Variants in PDGFRA observed in about 807,000 individuals in gnomAD.
The protein encoded by PDGFRA is platelet derived growth factor receptor alpha.
A neutral mutation model predicts 121.5 loss-of-function variants in PDGFRA; 25 were observed. That is an observed-to-expected ratio of 0.21 (90% CI 0.15 to 0.29). The LOEUF is 0.29. PDGFRA is among the 10% of genes least tolerant of loss of function. PDGFRA has a pLI of 1.00. For synonymous variants in PDGFRA, 463 were observed against 494.8 expected, an observed-to-expected ratio of 0.94 and a Z score of 0.85; for missense variants, 1,008 against 1,345.1, an observed-to-expected ratio of 0.75 and a Z score of 3.92.
At chr4:54,253,723 T>C (rs111294272) in intron 1 of PDGFRA, among the ~76,000 whole-genome samples, 7,682 of 152,218 alleles carry the variant, frequency 0.05, 641 homozygotes, top group African/African-American at 0.17. Flanking sequence ...CTTGCTCTGT[T>C]GCCCAGGCTG....
intron 4 of PDGFRA, 28 bp downstream of exon 4, chr4:54,263,955 AAAT>A (rs768898646): frequency 1.9e-6 from 3 of 1,606,808 alleles, no homozygotes; most frequent in Admixed American, 3.3e-5. Flanking sequence ...TTCCTTCTTT[AAAT>A]AAGAGTAACA....
At chr4:54,289,605 GA>G (rs1456031403) in intron 21 of PDGFRA, among the ~76,000 whole-genome samples, 1 of 152,220 alleles carries the variant, frequency 6.6e-6, no homozygotes, top group African/African-American at 2.4e-5. Context: ...ACTTTCTGCT[GA>G]GGTGTTGAGA....
At chr4:54,274,817 G>T (rs771130998) in intron 11 of PDGFRA, 24 bp from the exon 12 acceptor site, 2 of 1,613,810 alleles carry the variant, frequency 1.2e-6, no homozygotes, top group Non-Finnish European at 1.7e-6. Flanking sequence ...TAATTCACCA[G>T]TTACCTGTCC....
chr4:54,253,688 T>C (rs564715076), intron 1 of PDGFRA, among the ~76,000 whole-genome samples: 1 of 152,294 alleles, frequency 6.6e-6, no homozygotes, highest in East Asian at 1.9e-4. Flanking sequence ...GATTCTTTTT[T>C]TCTTTTTTCT....
At chr4:54,248,554 C>T (rs1721836010) in intron 1 of PDGFRA, among the ~76,000 whole-genome samples, 1 of 152,108 alleles carries the variant, frequency 6.6e-6, no homozygotes, top group South Asian at 2.1e-4. Flanking sequence ...ACACCTTATA[C>T]AAAAATTAAT....
intron 1 of PDGFRA, among the ~76,000 whole-genome samples, chr4:54,242,552 T>TAC (rs1253088753): frequency 2.0e-5 from 3 of 152,112 alleles, no homozygotes; most frequent in Non-Finnish European, 2.9e-5. Context: ...TATATATATA[T>TAC]ACACACACAT....
rs1447744025 is a variant in PDGFRA at position 54,295,845 on chromosome 4, G to GAATA, written c.*575_*578dup. The GAATA allele has an allele frequency of 9.8e-5, 23 of 235,034 alleles. No homozygotes were observed. The highest frequency in any genetic ancestry group is 1.8e-4 in the South Asian group (1 of 5,634). 14.6% of individuals were successfully genotyped at this position (235,034 alleles called of 1,614,324 possible). On this transcript the variant is annotated 3_prime_UTR_variant, in exon 23 of 23. Transcript: ENST00000257290. ...TCTTTTTTAGTGTTAAAGAGATAAA[G>GAATA]AATAATAATTAACCAACCTTGTTTA...
intron 5 of PDGFRA, among the ~76,000 whole-genome samples, chr4:54,265,816 C>T (rs1401054628): frequency 6.6e-6 from 1 of 152,160 alleles, no homozygotes; most frequent in African/African-American, 2.4e-5. Flanking sequence ...GACTAATATT[C>T]TTATGGAGAA....
chr4:54,281,868 G>A, intron 16 of PDGFRA: 1 of 1,214,272 alleles, frequency 8.2e-7, no homozygotes, highest in Non-Finnish European at 1.0e-6. Context: ...CATTGGCACT[G>A]ATCTCTAAGA....
At position 54,284,879 on chromosome 4, in the gene PDGFRA, C is replaced by CTT. The variant is rs5858264; in HGVS notation, c.2324-471_2324-470dup. The stretch of plus-strand genomic sequence containing the variant: ...CTTTCCTTTCTTTCATTCTTTCTAT[C>CTT]TTTTTTTTTTTTTTTTTTTTTTGAG... On this transcript the variant is annotated intron_variant, in intron 16 of 22. Transcript: ENST00000257290. Among the ~76,000 whole-genome samples the CTT allele has an allele frequency of 2.3e-3, 232 of 101,242 alleles. 19 individuals carry two copies. The highest frequency in any genetic ancestry group is 3.0e-3 in the African/African-American group (76 of 25,744). The allele number at this position is 101,242 out of a possible 152,430, so 66.4% of individuals were successfully genotyped here. A position where few individuals can be genotyped will look rare whatever the true frequency, so the allele number is the denominator to read the frequency against.
rs1369701227 is a variant in PDGFRA, at chr4:54,264,930, C to G, written c.640C>G (p.Leu214Val). 1 of 1,612,270 alleles carries G rather than the reference C, an allele frequency of 6.2e-7. No individual in the cohort carries two copies. Among genetic ancestry groups the G allele is most frequent in the East Asian group, 2.2e-5 (1 of 44,824 alleles). Residue 214 changes from leucine to valine, a missense_variant, in exon 5 of 23, where the codon CTG becomes GTG. Physicochemically the swap from Leu to Val is conservative, Grantham distance 32 (BLOSUM62 1). Coordinates refer to ENST00000257290, the MANE Select transcript of PDGFRA (RefSeq NM_006206.6). The part of the protein sequence containing the change: ...NVYALKATSE[L>V]DLEMEALKTV... Reference sequence around the variant, plus strand: ...GTTCTTTTTTATAGCAACATCAGAGCTGGATCTAGAAATGGAAGCTCTTAA... The same window carrying G: ...GTTCTTTTTTATAGCAACATCAGAGGTGGATCTAGAAATGGAAGCTCTTAA...
intron 1 of PDGFRA, among the ~76,000 whole-genome samples, chr4:54,257,926 C>G (rs1054652444): frequency 6.6e-6 from 1 of 152,158 alleles, no homozygotes; most frequent in African/African-American, 2.4e-5. Flanking sequence ...CCGTCTCTTT[C>G]TCTACTTCTT....
chr4:54,285,333 G>C (rs183875827), intron 16 of PDGFRA, 38 bp from the exon 17 acceptor site: 146 of 835,880 alleles, frequency 1.7e-4, no homozygotes, highest in Middle Eastern at 4.4e-4. Flanking sequence ...ATTTCCTGCT[G>C]CCTGCCAGCA....
At chr4:54,277,030 C>G (rs1475777248) in intron 12 of PDGFRA, 2 of 311,718 alleles carry the variant, frequency 6.4e-6, no homozygotes. Flanking sequence ...ATATGGAAAA[C>G]AGAAGGGGAG....
intron 1 of PDGFRA, among the ~76,000 whole-genome samples, chr4:54,248,892 CA>C (rs1721869523): frequency 6.6e-6 from 1 of 152,090 alleles, no homozygotes; most frequent in Non-Finnish European, 1.5e-5. Flanking sequence ...ACAACCCCAT[CA>C]AAAAGTGGGC....
intron 1 of PDGFRA, among the ~76,000 whole-genome samples, chr4:54,234,015 G>A (rs1720864050): frequency 6.6e-6 from 1 of 152,246 alleles, no homozygotes. Context: ...GCCCCGAGGG[G>A]GCGGAAATGC....
chr4:54,273,835 C>A, intron 10 of PDGFRA, 105 bp downstream of exon 10: 2 of 883,106 alleles, frequency 2.3e-6, no homozygotes, highest in African/African-American at 1.6e-5. Flanking sequence ...GGTCCCAAGG[C>A]AGAAATTCAG....
At chr4:54,285,199 A>G (rs1010559431) in intron 16 of PDGFRA, among the ~76,000 whole-genome samples, 172 bp from the exon 17 acceptor site, 2 of 152,136 alleles carry the variant, frequency 1.3e-5, no homozygotes, top group Non-Finnish European at 2.9e-5. Context: ...CCTGGCCTAT[A>G]TATCTATTTT....
intron 1 of PDGFRA, among the ~76,000 whole-genome samples, chr4:54,244,056 G>A (rs1041951159): frequency 9.8e-5 from 15 of 152,316 alleles, no homozygotes; most frequent in East Asian, 1.9e-4. Context: ...TAAACAAAGC[G>A]GCTGGGAAGC....
Sources: gnomAD v4.1 joint callset for allele counts (sites outside exome capture counted in the v4.1 genomes callset) on GRCh38, gnomAD v4.1.1 for gene constraint, MANE v1.5 for transcripts, NCBI Gene and HGNC (gene_info 2026-07-23, HGNC 2026-07-21) for gene names.